EYS: variants seen among roughly 807,000 people sequenced by gnomAD.
The protein encoded by EYS is EGF-like photoreceptor maintenance factor.
A neutral mutation model predicts 282.1 loss-of-function variants in EYS; 250 were observed. The observed-to-expected ratio is 0.89, with a 90% confidence interval of 0.80 to 0.98. The LOEUF is 0.98. EYS is among the 50% of genes least tolerant of loss of function. The probability of loss-of-function intolerance (pLI) is 0.00; values close to 1 mark genes in which losing one functional copy is unlikely to be tolerated. For synonymous variants in EYS, 1,355 were observed against 1,282.9 expected (o/e 1.06, Z -1.20); for missense variants, 4,016 against 3,709.0 (o/e 1.08, Z -2.15).
At chr6:65,333,672 C>A (rs929139458) in intron 11 of EYS, among the ~76,000 whole-genome samples, 35 of 151,574 alleles carry the variant, frequency 2.3e-4, no homozygotes, top group African/African-American at 8.0e-4. Context: ...GGCTATTTCT[C>A]CCTTAAATTA....
At chr6:64,175,553 G>A (rs922991691) in intron 31 of EYS, among the ~76,000 whole-genome samples, 2 of 152,154 alleles carry the variant, frequency 1.3e-5, no homozygotes, top group African/African-American at 4.8e-5. Context: ...TCATTCACTG[G>A]CTTCTGTCTC....
At chr6:64,553,556 C>T (rs1056618232) in intron 26 of EYS, among the ~76,000 whole-genome samples, 1 of 137,504 alleles carries the variant, frequency 7.3e-6, no homozygotes, top group Non-Finnish European at 1.6e-5. Flanking sequence ...CCCCCCCCCC[C>T]CCATAGGCAG....
chr6:65,257,679 T>C (rs2150255783), intron 12 of EYS, among the ~76,000 whole-genome samples: 1 of 152,050 alleles, frequency 6.6e-6, no homozygotes, highest in South Asian at 2.1e-4. Flanking sequence ...TGTAGCCTTG[T>C]AGTATAGTTT....
chr6:64,307,800 T>TATGTATCTCATAACATC (rs60770661), intron 29 of EYS, among the ~76,000 whole-genome samples: 1 of 151,378 alleles, frequency 6.6e-6, no homozygotes, highest in African/African-American at 2.4e-5. Flanking sequence ...TTACTACCCA[T>TATGTATCTCATAACATC]ATGTATCTCA....
At chr6:63,789,879 T>G (rs1281174922) in intron 37 of EYS, among the ~76,000 whole-genome samples, 2 of 151,956 alleles carry the variant, frequency 1.3e-5, no homozygotes, top group Admixed American at 6.6e-5. Flanking sequence ...TGGTTGGGAG[T>G]GACCCAGCAT....
chr6:64,676,472 T>A (rs940265531), intron 22 of EYS, among the ~76,000 whole-genome samples: 1 of 151,832 alleles, frequency 6.6e-6, no homozygotes, highest in Non-Finnish European at 1.5e-5. Flanking sequence ...AACTTATTCT[T>A]TTGATTTGTT....
chr6:64,364,663 A>T (rs1772130414), intron 29 of EYS, among the ~76,000 whole-genome samples: 1 of 151,302 alleles, frequency 6.6e-6, no homozygotes, highest in African/African-American at 2.4e-5. Context: ...GGATCTTGGA[A>T]TTTATATTGA....
At chr6:65,016,272 T>C (rs1373962980) in intron 13 of EYS, among the ~76,000 whole-genome samples, 3 of 152,150 alleles carry the variant, frequency 2.0e-5, no homozygotes, top group Non-Finnish European at 4.4e-5. Context: ...TACTTTCAAA[T>C]GTATGGATGA....
chr6:65,115,417 C>T (rs999157738), intron 12 of EYS, among the ~76,000 whole-genome samples: 2 of 151,970 alleles, frequency 1.3e-5, no homozygotes, highest in African/African-American at 2.4e-5. Context: ...TCCCCACTTC[C>T]TGAAATTATC....
At chr6:65,287,944 G>C (rs963831351) in intron 12 of EYS, among the ~76,000 whole-genome samples, 26 of 151,066 alleles carry the variant, frequency 1.7e-4, no homozygotes, top group African/African-American at 6.1e-4. Context: ...TACACTCAAA[G>C]TCCAGGGATC....
chr6:64,228,170 T>C (rs1766306140), intron 31 of EYS, among the ~76,000 whole-genome samples: 1 of 152,080 alleles, frequency 6.6e-6, no homozygotes, highest in Non-Finnish European at 1.5e-5. Flanking sequence ...TTTAGAGCAA[T>C]AGGTTGAAAA....
chr6:64,936,773 C>A (rs1440030281), intron 15 of EYS, among the ~76,000 whole-genome samples: 1 of 150,572 alleles, frequency 6.6e-6, no homozygotes, highest in Non-Finnish European at 1.5e-5. Context: ...AAAGAAGATT[C>A]AATAAAATCT....
chr6:64,709,927 T>C (rs1771150906), intron 22 of EYS, among the ~76,000 whole-genome samples: 3 of 152,226 alleles, frequency 2.0e-5, no homozygotes, highest in Non-Finnish European at 4.4e-5. Flanking sequence ...TGGAATCTAC[T>C]GTGTGACTTA....
At chr6:65,355,301 A>T (rs1418175567) in intron 8 of EYS, among the ~76,000 whole-genome samples, 3 of 36,580 alleles carry the variant, frequency 8.2e-5, no homozygotes, top group Non-Finnish European at 1.7e-4. Flanking sequence ...AATCTAAGAA[A>T]TCACCACTAA....
At chr6:65,087,371 C>T (rs1297690641) in intron 12 of EYS, among the ~76,000 whole-genome samples, 2 of 152,062 alleles carry the variant, frequency 1.3e-5, no homozygotes, top group African/African-American at 4.8e-5. Flanking sequence ...TTGCCAAATC[C>T]GATGGGTATT....
In EYS at chr6:65,707,139, A is replaced by G. The variant is rs1769909242; in HGVS notation, c.-452T>C. On this transcript the variant is annotated 5_prime_UTR_variant, in exon 1 of 43. Transcript: ENST00000503581. Reference sequence around the variant, plus strand: ...GTGGAATCAAGTATAACTTACCCCAACCATTAGCCAAGGAGGCTTGCAACC... The same window carrying G: ...GTGGAATCAAGTATAACTTACCCCAGCCATTAGCCAAGGAGGCTTGCAACC... The G allele has an allele frequency of 6.6e-6, 1 of 152,136 alleles. No individual in the cohort carries two copies. Among genetic ancestry groups the G allele is most frequent in the African/African-American group, 2.4e-5 (1 of 41,436 alleles). The allele number at this position is 152,136 out of a possible 1,614,324, so 9.4% of individuals were successfully genotyped here. A position where few individuals can be genotyped will look rare whatever the true frequency, so the allele number is the denominator to read the frequency against.
chr6:64,626,376 G>T, intron 22 of EYS, 131 bp from the exon 23 acceptor site: 1 of 1,047,574 alleles, frequency 9.5e-7, no homozygotes, highest in Non-Finnish European at 1.3e-6. Context: ...GCCTTCCTTG[G>T]GGTGACAATG....
intron 35 of EYS, among the ~76,000 whole-genome samples, chr6:63,884,455 G>A (rs1773212923): frequency 6.6e-6 from 1 of 152,036 alleles, no homozygotes; most frequent in Admixed American, 6.5e-5. Flanking sequence ...GAGCCTCCTG[G>A]GGTGCTGAAA....
intron 26 of EYS, among the ~76,000 whole-genome samples, chr6:64,443,437 G>T (rs1483276818): frequency 6.6e-6 from 1 of 152,152 alleles, no homozygotes. Context: ...TTGAGACTTT[G>T]GGGAACTATT....
Sources: gnomAD v4.1 joint callset for allele counts (sites outside exome capture counted in the v4.1 genomes callset) on GRCh38, gnomAD v4.1.1 for gene constraint, MANE v1.5 for transcripts, NCBI Gene and HGNC (gene_info 2026-07-23, HGNC 2026-07-21) for gene names.